The following AUTS2 variants were observed in gnomAD, a reference collection of about 807,000 sequenced individuals.
The protein encoded by AUTS2 is activator of transcription and developmental regulator AUTS2, also known as autism susceptibility gene 2 protein.
Under a neutral mutation model 112.4 loss-of-function variants are expected in AUTS2, and 17 were observed. The ratio of observed to expected loss-of-function variants is 0.15; its 90% CI spans 0.10 to 0.23. The LOEUF is 0.23. Among genes scored for constraint, AUTS2 ranks in the 10% least tolerant of loss-of-function variants. The pLI, the probability that AUTS2 is intolerant of heterozygous loss-of-function variation, is 1.00. For missense variants in AUTS2, 1,510 were observed against 1,701.6 expected (o/e 0.89, Z 1.98); for synonymous variants, 751 against 702.7 (o/e 1.07, Z -1.09).
At chr7:70,331,857 A>C (rs944914992) in intron 4 of AUTS2, among the ~76,000 whole-genome samples, 6 of 152,198 alleles carry the variant, frequency 3.9e-5, no homozygotes, top group African/African-American at 1.2e-4. Flanking sequence ...ACCCACAGAC[A>C]TACTGAATGG....
intron 6 of AUTS2, among the ~76,000 whole-genome samples, chr7:70,738,408 C>A (rs1787895298): frequency 7.6e-6 from 1 of 132,232 alleles, no homozygotes; most frequent in African/African-American, 3.0e-5. Flanking sequence ...AAAGTTGGAA[C>A]AAGTTTTTTG....
At chr7:69,950,419 T>A (rs1796978108) in intron 2 of AUTS2, among the ~76,000 whole-genome samples, 1 of 152,150 alleles carries the variant, frequency 6.6e-6, no homozygotes, top group African/African-American at 2.4e-5. Context: ...GGGCAAGATA[T>A]TTAATTTTTT....
At chr7:70,071,464 A>G (rs1364192901) in intron 2 of AUTS2, among the ~76,000 whole-genome samples, 6 of 152,164 alleles carry the variant, frequency 3.9e-5, no homozygotes, top group Non-Finnish European at 7.3e-5. Context: ...ACTGCTCCCT[A>G]CAATGTGAGG....
intron 2 of AUTS2, among the ~76,000 whole-genome samples, chr7:69,903,808 ACT>A (rs1217440479): frequency 6.6e-6 from 1 of 152,014 alleles, no homozygotes; most frequent in African/African-American, 2.4e-5. Flanking sequence ...CTGTTAGTAG[ACT>A]CTAACCTTGC....
At chr7:70,392,607 G>A (rs1793913147) in intron 4 of AUTS2, among the ~76,000 whole-genome samples, 1 of 152,098 alleles carries the variant, frequency 6.6e-6, no homozygotes, top group Non-Finnish European at 1.5e-5. Flanking sequence ...AAAATAAAAA[G>A]CCTGTATTTT....
In AUTS2 at chr7:70,573,248, A is replaced by T. The variant is rs527975352; in HGVS notation, c.691-125321A>T. On this transcript the variant is annotated intron_variant, in intron 5 of 18. Coordinates refer to ENST00000342771, the MANE Select transcript of AUTS2 (RefSeq NM_015570.4). Reference sequence around the variant, plus strand: ...CAAGTATCTCATTACAGAATGCTTCACTGGTCCCCGGAGGTGGCCACAGAC... The same window carrying T: ...CAAGTATCTCATTACAGAATGCTTCTCTGGTCCCCGGAGGTGGCCACAGAC... Among the ~76,000 whole-genome samples the T allele has an allele frequency of 2.6e-5, 4 of 152,326 alleles. No homozygotes were observed. In the East Asian group the frequency reaches 7.7e-4, roughly 29 times the overall value.
chr7:70,473,432 C>T (rs545488485), intron 5 of AUTS2, among the ~76,000 whole-genome samples: 57 of 152,192 alleles, frequency 3.7e-4, no homozygotes, highest in African/African-American at 1.3e-3. Context: ...CTGTGGACTC[C>T]GTAAGTTGGT....
chr7:69,602,040 A>ATGTGTGTG (rs6150156), intron 1 of AUTS2, among the ~76,000 whole-genome samples: 50 of 46,256 alleles, frequency 1.1e-3, no homozygotes, highest in Non-Finnish European at 2.0e-3. Flanking sequence ...ATATATATAT[A>ATGTGTGTG]TGTGTGTGTG....
chr7:69,906,672 T>A (rs1354802477), intron 2 of AUTS2, among the ~76,000 whole-genome samples: 1 of 152,246 alleles, frequency 6.6e-6, no homozygotes, highest in Non-Finnish European at 1.5e-5. Flanking sequence ...TGGTAAATGT[T>A]GCTTGAGAAC....
intron 5 of AUTS2, among the ~76,000 whole-genome samples, chr7:70,646,234 A>T (rs796751090): frequency 1.3e-5 from 2 of 152,314 alleles, no homozygotes; most frequent in African/African-American, 4.8e-5. Context: ...CTAAATGGAA[A>T]CTAATTACTT....
At chr7:70,063,791 C>G (rs1802366790) in intron 2 of AUTS2, among the ~76,000 whole-genome samples, 1 of 152,174 alleles carries the variant, frequency 6.6e-6, no homozygotes, top group Non-Finnish European at 1.5e-5. Context: ...CACCTGCTCT[C>G]CAGCTTGGCA....
chr7:69,807,483 T>G (rs1394518493), intron 1 of AUTS2, among the ~76,000 whole-genome samples: 1 of 152,176 alleles, frequency 6.6e-6, no homozygotes, highest in Admixed American at 6.5e-5. Context: ...TAAAGGTACT[T>G]GTCAGACTCT....
intron 4 of AUTS2, among the ~76,000 whole-genome samples, chr7:70,193,506 C>T (rs1202251647): frequency 2.6e-5 from 4 of 152,040 alleles, no homozygotes; most frequent in Admixed American, 6.6e-5. Context: ...GGTTTAGAGA[C>T]GTAAAGTAAA....
intron 5 of AUTS2, among the ~76,000 whole-genome samples, chr7:70,621,091 G>GA (rs1312381723): frequency 6.6e-6 from 1 of 152,058 alleles, no homozygotes; most frequent in Non-Finnish European, 1.5e-5. Flanking sequence ...ATTTAATTTG[G>GA]AAAAACAAGG....
At chr7:69,863,138 A>G (rs986038572) in intron 1 of AUTS2, among the ~76,000 whole-genome samples, 1 of 152,166 alleles carries the variant, frequency 6.6e-6, no homozygotes, top group Non-Finnish European at 1.5e-5. Context: ...CAGTCTGTCT[A>G]TCCATGGGTT....
chr7:69,842,431 G>A (rs1792022057), intron 1 of AUTS2, among the ~76,000 whole-genome samples: 1 of 152,122 alleles, frequency 6.6e-6, no homozygotes, highest in Non-Finnish European at 1.5e-5. Flanking sequence ...AATTCTCTCA[G>A]AGCCTTAAGA....
intron 5 of AUTS2, among the ~76,000 whole-genome samples, chr7:70,672,662 G>A (rs988028026): frequency 6.6e-6 from 1 of 151,988 alleles, no homozygotes; most frequent in Non-Finnish European, 1.5e-5. Flanking sequence ...GAGTGTAATG[G>A]CGCAATCTCA....
At chr7:70,295,177 G>A (rs966589102) in intron 4 of AUTS2, among the ~76,000 whole-genome samples, 4 of 152,206 alleles carry the variant, frequency 2.6e-5, no homozygotes, top group African/African-American at 9.6e-5. Flanking sequence ...CCAGTTGCAA[G>A]TTAGTGTCTC....
intron 6 of AUTS2, among the ~76,000 whole-genome samples, chr7:70,752,202 G>A (rs1788909670): frequency 6.6e-6 from 1 of 152,060 alleles, no homozygotes; most frequent in Non-Finnish European, 1.5e-5. Context: ...GCAAGCAGGA[G>A]ATGATCTTAT....
Sources: gnomAD v4.1 joint callset for allele counts (sites outside exome capture counted in the v4.1 genomes callset) on GRCh38, gnomAD v4.1.1 for gene constraint, MANE v1.5 for transcripts, NCBI Gene and HGNC (gene_info 2026-07-23, HGNC 2026-07-21) for gene names.